IGSF11: variants seen among roughly 807,000 people sequenced by gnomAD.
The protein encoded by IGSF11 is CXADR like 1.
Under a neutral mutation model 41.0 loss-of-function variants are expected in IGSF11, and 22 were observed. The observed-to-expected ratio is 0.54, with a 90% confidence interval of 0.38 to 0.77. The LOEUF is 0.77. IGSF11 is among the 30% of genes least tolerant of loss of function. The pLI, the probability that IGSF11 is intolerant of heterozygous loss-of-function variation, is 0.00. For missense variants in IGSF11, 444 were observed against 530.8 expected (o/e 0.84, Z 1.61); for synonymous variants, 219 against 201.3 (o/e 1.09, Z -0.74).
intron 1 of IGSF11, among the ~76,000 whole-genome samples, chr3:119,098,576 A>G (rs1420073756): frequency 6.6e-6 from 1 of 152,244 alleles, no homozygotes; most frequent in African/African-American, 2.4e-5. Flanking sequence ...TGAAATAAGA[A>G]ATGAAGCCAA....
At chr3:118,960,425 G>A (rs1236090508) in intron 1 of IGSF11, among the ~76,000 whole-genome samples, 2 of 152,180 alleles carry the variant, frequency 1.3e-5, no homozygotes, top group African/African-American at 2.4e-5. Context: ...TGTGTATTAG[G>A]TGATGAAAAT....
intron 1 of IGSF11, among the ~76,000 whole-genome samples, chr3:118,975,363 T>TTAAAAAAAAAAAA (rs765744961): frequency 0.026 from 3,680 of 139,924 alleles, 78 homozygotes; most frequent in East Asian, 0.049. Context: ...CTGCTGGATT[T>TTAAAAAAAAAAAA]AAAAAAAAAA....
At chr3:118,983,144 G>C (rs1934910929) in intron 1 of IGSF11, among the ~76,000 whole-genome samples, 1 of 152,190 alleles carries the variant, frequency 6.6e-6, no homozygotes, top group East Asian at 1.9e-4. Flanking sequence ...GAACATGTAA[G>C]CACTGCCTCT....
In IGSF11 at chr3:119,042,726, C is replaced by A. The variant is rs1224137330; in HGVS notation, c.49+62418G>T. On this transcript the variant is annotated intron_variant, in intron 1 of 6. Transcript: ENST00000354673. ...CAAAAGGCATAAGCTCTTGAGAGCT[C>A]TATGGCCCTACCCATCACCTGAGAA... 3.3e-5 allele frequency among the ~76,000 whole-genome samples: 5 copies of A among 152,288 alleles called. No homozygotes were observed. In the South Asian group the frequency reaches 1.0e-3, roughly 32 times the overall value.
intron 1 of IGSF11, among the ~76,000 whole-genome samples, chr3:119,020,283 A>G (rs1939159499): frequency 6.6e-6 from 1 of 152,186 alleles, no homozygotes; most frequent in African/African-American, 2.4e-5. Flanking sequence ...TAGGTCTCTC[A>G]TACACTTCAG....
chr3:119,105,158 C>T, exon 1 of IGSF11: 7 of 1,608,374 alleles, frequency 4.4e-6, no homozygotes, highest in Non-Finnish European at 6.0e-6. Context: ...TCTAGAAAAG[C>T]AGTTCCACCA....
intron 1 of IGSF11, among the ~76,000 whole-genome samples, chr3:119,076,899 C>A (rs972865427): frequency 3.3e-5 from 5 of 152,090 alleles, no homozygotes; most frequent in Admixed American, 2.6e-4. Flanking sequence ...TACCATTTGA[C>A]CCAGCGATCC....
At chr3:119,037,981 G>A (rs924694618), upstream of IGSF11, among the ~76,000 whole-genome samples, 4 of 152,102 alleles carry the variant, frequency 2.6e-5, no homozygotes, top group Admixed American at 2.0e-4. Context: ...TATTCTTAAA[G>A]TTAGGAAAAA....
In IGSF11 at chr3:119,044,378, T is replaced by A. The variant is rs575051035; in HGVS notation, c.49+60766A>T. 1.5e-4 allele frequency among the ~76,000 whole-genome samples: 23 copies of A among 152,006 alleles called. No individual in the cohort carries two copies. The South Asian group carries it at 4.1e-3, about 27-fold the overall frequency. ...CAAGGGTAAAGAAAAAAAGAATTTT[T>A]AAAAAATAAACAAAGCCTCCAAGAA... On this transcript the variant is annotated intron_variant, in intron 1 of 6. Coordinates refer to the IGSF11 transcript ENST00000354673.
rs1467656163 is a variant in IGSF11, at chr3:119,059,206, C to CACA, written c.49+45937_49+45938insTGT. On this transcript the variant is annotated intron_variant, in intron 1 of 6. Transcript: ENST00000354673. ...ACACACACACACACACACACACACA[C>CACA]ACCACACCATGGAAACTACTCAGTC... Among the ~76,000 whole-genome samples, 16 of 151,432 alleles carry CACA rather than the reference C, an allele frequency of 1.1e-4. No individual in the cohort carries two copies. In the South Asian group the frequency reaches 3.3e-3, roughly 32 times the overall value.
chr3:119,038,352 C>A (rs1461585377), upstream of IGSF11, among the ~76,000 whole-genome samples: 1 of 152,170 alleles, frequency 6.6e-6, no homozygotes, highest in Non-Finnish European at 1.5e-5. Context: ...CTGTTTCTTC[C>A]CACTCCTCTG....
At chr3:119,097,434 C>G (rs1218512009) in intron 1 of IGSF11, among the ~76,000 whole-genome samples, 1 of 152,056 alleles carries the variant, frequency 6.6e-6, no homozygotes, top group African/African-American at 2.4e-5. Flanking sequence ...CTCTGGGGAG[C>G]AAACTGCTTA....
rs368696256 is a variant in IGSF11 at position 119,101,289 on chromosome 3, T to C, written c.49+3855A>G. On this transcript the variant is annotated intron_variant, in intron 1 of 6. Coordinates refer to the IGSF11 transcript ENST00000354673. The stretch of plus-strand genomic sequence containing the variant: ...CTTTGGGAGGCCAAGGTGGGCAGAT[T>C]ACCTGAGGTCGGGAGTTCAAGGCCA... 2.1e-4 allele frequency among the ~76,000 whole-genome samples: 32 copies of C among 152,208 alleles called. No homozygotes were observed. In the East Asian group the frequency reaches 5.4e-3, roughly 26 times the overall value.
rs1420336698 is a variant in IGSF11, at chr3:118,900,603, T to C, written c.*1917A>G. Reference sequence around the variant, plus strand: ...ACTAAGTTTTAAAATGACATACTCGTTAGTATTGATAATTAATGACAACTT... The same window carrying C: ...ACTAAGTTTTAAAATGACATACTCGCTAGTATTGATAATTAATGACAACTT... On this transcript the variant is annotated 3_prime_UTR_variant, in exon 7 of 7. Coordinates refer to ENST00000393775, the MANE Select transcript of IGSF11 (RefSeq NM_001015887.3). 1 of 152,570 alleles carries C rather than the reference T, an allele frequency of 6.6e-6. No individual in the cohort carries two copies. The highest frequency in any genetic ancestry group is 1.9e-4 in the East Asian group (1 of 5,206). The allele number at this position is 152,570 out of a possible 1,614,324, so 9.5% of individuals were successfully genotyped here.
chr3:119,059,479 T>G (rs1446075705), intron 1 of IGSF11, among the ~76,000 whole-genome samples: 1 of 152,138 alleles, frequency 6.6e-6, no homozygotes, highest in Non-Finnish European at 1.5e-5. Flanking sequence ...GGATGATGGA[T>G]GCACCAAAAT....
intron 1 of IGSF11, among the ~76,000 whole-genome samples, chr3:119,005,100 G>A (rs560946760): frequency 1.2e-4 from 18 of 148,680 alleles, no homozygotes; most frequent in Admixed American, 8.0e-4. Flanking sequence ...GGGAGTCTAA[G>A]TCTCTTTGTA....
chr3:118,920,707 T>C (rs1328772678), intron 4 of IGSF11, among the ~76,000 whole-genome samples: 1 of 152,186 alleles, frequency 6.6e-6, no homozygotes, highest in Non-Finnish European at 1.5e-5. Flanking sequence ...ATTGGCATAA[T>C]TATAAGAACA....
At chr3:118,964,454 G>T (rs1390090439) in intron 1 of IGSF11, among the ~76,000 whole-genome samples, 1 of 152,132 alleles carries the variant, frequency 6.6e-6, no homozygotes, top group African/African-American at 2.4e-5. Context: ...AGGCTAAGAA[G>T]AGGGTCTGAA....
chr3:118,920,548 G>A (rs928061373), intron 4 of IGSF11, among the ~76,000 whole-genome samples: 2 of 151,762 alleles, frequency 1.3e-5, no homozygotes, highest in Admixed American at 6.6e-5. Context: ...CAATAGTAAC[G>A]TACCAACAAG....
Sources: gnomAD v4.1 joint callset for allele counts (sites outside exome capture counted in the v4.1 genomes callset) on GRCh38, gnomAD v4.1.1 for gene constraint, MANE v1.5 for transcripts, NCBI Gene and HGNC (gene_info 2026-07-23, HGNC 2026-07-21) for gene names.